Variants in RAB27B observed in about 807,000 individuals in gnomAD.
RAB27B encodes RAB27B, member RAS oncogene family.
In RAB27B, 15 loss-of-function variants were observed where a neutral mutation model predicts 24.6. The observed-to-expected ratio is 0.61, with a 90% CI of 0.41 to 0.94. RAB27B has a LOEUF of 0.94. Among genes scored for constraint, RAB27B ranks in the 40% least tolerant of loss-of-function variants. The pLI, the probability that RAB27B is intolerant of heterozygous loss-of-function variation, is 0.00. For missense variants in RAB27B, 261 were observed against 266.8 expected (o/e 0.98, Z 0.15); for synonymous variants, 105 against 92.5 (o/e 1.14, Z -0.78).
intron 2 of RAB27B, among the ~76,000 whole-genome samples, chr18:54,751,280 C>T (rs73959276): frequency 0.064 from 9,685 of 152,074 alleles, 392 homozygotes; most frequent in African/African-American, 0.091. Context: ...GGTTGGCTGA[C>T]AAGGGGAAGT....
At chr18:54,783,733 G>A (rs1908991545) in intron 2 of RAB27B, among the ~76,000 whole-genome samples, 1 of 152,114 alleles carries the variant, frequency 6.6e-6, no homozygotes, top group African/African-American at 2.4e-5. Context: ...TCTTGTCCCT[G>A]CTTCCCTCTG....
chr18:54,751,663 C>G (rs896887779), intron 2 of RAB27B, among the ~76,000 whole-genome samples: 1 of 152,176 alleles, frequency 6.6e-6, no homozygotes, highest in African/African-American at 2.4e-5. Context: ...TATTCATGGA[C>G]TCTATTTCTC....
chr18:54,722,546 C>T (rs1214739957), intron 2 of RAB27B, among the ~76,000 whole-genome samples: 1 of 152,138 alleles, frequency 6.6e-6, no homozygotes, highest in African/African-American at 2.4e-5. Flanking sequence ...CATGGCATTT[C>T]ATAGTGCACA....
intron 2 of RAB27B, among the ~76,000 whole-genome samples, chr18:54,752,236 A>T (rs942480592): frequency 7.4e-4 from 112 of 152,206 alleles, no homozygotes; most frequent in African/African-American, 2.6e-3. Context: ...TAACTGTCAC[A>T]TTAAGCCATA....
At chr18:54,863,335 AT>A (rs1912081575) in intron 1 of RAB27B, among the ~76,000 whole-genome samples, 1 of 152,182 alleles carries the variant, frequency 6.6e-6, no homozygotes, top group Non-Finnish European at 1.5e-5. Flanking sequence ...TATAGATAAA[AT>A]GTATTCTATA....
chr18:54,721,262 G>T (rs1410752647), intron 2 of RAB27B, among the ~76,000 whole-genome samples: 1 of 152,144 alleles, frequency 6.6e-6, no homozygotes. Context: ...CCAAAACATT[G>T]CTTTAACTTG....
chr18:54,829,411 A>C (rs980673623), intron 1 of RAB27B, among the ~76,000 whole-genome samples: 2 of 152,238 alleles, frequency 1.3e-5, no homozygotes, highest in African/African-American at 4.8e-5. Flanking sequence ...TAGAGCCTTC[A>C]CACCTGTATC....
At position 54,884,330 on chromosome 18, in the gene RAB27B, C is replaced by T. The variant is rs1412667188; in HGVS notation, c.240-3C>T. 1.3e-6 allele frequency: 2 copies of T among 1,595,290 alleles called. No individual in the cohort carries two copies. Among genetic ancestry groups the T allele is most frequent in the Non-Finnish European group, 1.7e-6 (2 of 1,163,462 alleles). On this transcript the variant is annotated splice_polypyrimidine_tract_variant and splice_region_variant and intron_variant, in intron 3 of 5. Coordinates refer to ENST00000262094, the MANE Select transcript of RAB27B (RefSeq NM_004163.4). The stretch of plus-strand genomic sequence containing the variant: ...AGAACTACCCACTGTGTTTCCTTGG[C>T]AGGTTCCGGAGTCTCACCACTGCAT...
intron 1 of RAB27B, among the ~76,000 whole-genome samples, chr18:54,858,788 T>C (rs1911893647): frequency 6.6e-6 from 1 of 152,156 alleles, no homozygotes; most frequent in African/African-American, 2.4e-5. Context: ...GGATTTTCCT[T>C]TTTAAAAATT....
At chr18:54,867,593 C>T (rs1013181287) in intron 1 of RAB27B, among the ~76,000 whole-genome samples, 2 of 151,580 alleles carry the variant, frequency 1.3e-5, no homozygotes, top group Non-Finnish European at 2.9e-5. Context: ...ATTACAGGCG[C>T]GTGCCACCAG....
At chr18:54,841,324 C>T (rs1301544809) in intron 1 of RAB27B, among the ~76,000 whole-genome samples, 1 of 152,086 alleles carries the variant, frequency 6.6e-6, no homozygotes, top group African/African-American at 2.4e-5. Context: ...TCTCATTATT[C>T]CCTAAACAAT....
chr18:54,821,272 A>T (rs1189944916), intron 2 of RAB27B, among the ~76,000 whole-genome samples: 1 of 152,204 alleles, frequency 6.6e-6, no homozygotes, highest in Non-Finnish European at 1.5e-5. Context: ...ATCATGAGTG[A>T]ACTCCCATTC....
At chr18:54,804,904 CTCTTTCTT>C (rs777177556) in intron 2 of RAB27B, among the ~76,000 whole-genome samples, 71 of 48,016 alleles carry the variant, frequency 1.5e-3, no homozygotes, top group African/African-American at 3.2e-3. Context: ...CTTTCTCTCT[CTCTTTCTT>C]TCTTTCTTTC....
chr18:54,793,030 G>GA (rs536356416), intron 2 of RAB27B, among the ~76,000 whole-genome samples: 1 of 150,364 alleles, frequency 6.7e-6, no homozygotes. Flanking sequence ...GCATTTGGTT[G>GA]AAAAAAAATC....
intron 2 of RAB27B, among the ~76,000 whole-genome samples, chr18:54,763,783 A>C (rs1206677092): frequency 6.6e-6 from 1 of 152,142 alleles, no homozygotes; most frequent in African/African-American, 2.4e-5. Context: ...CATTTTAAGT[A>C]CTAAAGTCCC....
At chr18:54,739,644 T>C (rs920273954) in intron 2 of RAB27B, among the ~76,000 whole-genome samples, 2 of 151,980 alleles carry the variant, frequency 1.3e-5, no homozygotes, top group African/African-American at 2.4e-5. Context: ...GGTGAATACC[T>C]AAGAGTGGAA....
chr18:54,868,911 A>G (rs1912357161), intron 1 of RAB27B, among the ~76,000 whole-genome samples: 1 of 152,212 alleles, frequency 6.6e-6, no homozygotes, highest in African/African-American at 2.4e-5. Context: ...ATGTTTCTCA[A>G]TTACTTATAG....
chr18:54,770,612 CA>C (rs1200309565), intron 2 of RAB27B, among the ~76,000 whole-genome samples: 1 of 151,996 alleles, frequency 6.6e-6, no homozygotes, highest in African/African-American at 2.4e-5. Flanking sequence ...TGAGTCATCC[CA>C]AAACCACCCC....
chr18:54,780,958 G>C (rs993766076), intron 2 of RAB27B, among the ~76,000 whole-genome samples: 3 of 152,172 alleles, frequency 2.0e-5, no homozygotes, highest in Non-Finnish European at 4.4e-5. Context: ...CACACCCATG[G>C]TTATACCAAT....
Sources: allele counts gnomAD v4.1 joint callset (sites outside exome capture counted in the v4.1 genomes callset), GRCh38; gene constraint gnomAD v4.1.1; transcripts MANE v1.5; gene names NCBI Gene and HGNC (gene_info 2026-07-23, HGNC 2026-07-21).